Variants in CALCR observed in about 807,000 individuals in gnomAD.
CALCR encodes the protein calcitonin receptor.
Under a neutral mutation model 59.5 loss-of-function variants are expected in CALCR, and 47 were observed. That is an observed-to-expected ratio of 0.79 (90% CI 0.63 to 1.01). The LOEUF (loss-of-function observed/expected upper bound fraction) is 1.01. Among genes scored for constraint, CALCR ranks in the 50% least tolerant of loss-of-function variants. The pLI, the probability that CALCR is intolerant of heterozygous loss-of-function variation, is 0.00. For missense variants in CALCR, 566 were observed against 597.1 expected (o/e 0.95, Z 0.54); for synonymous variants, 213 against 211.3 (o/e 1.01, Z -0.07).
chr7:93,525,603 G>T (rs545925130), intron 2 of CALCR, among the ~76,000 whole-genome samples: 1 of 152,290 alleles, frequency 6.6e-6, no homozygotes, highest in African/African-American at 2.4e-5. Flanking sequence ...CAGTACTGCA[G>T]TTCATATATT....
At chr7:93,522,846 A>G (rs965006587) in intron 2 of CALCR, among the ~76,000 whole-genome samples, 1 of 152,182 alleles carries the variant, frequency 6.6e-6, no homozygotes. Context: ...TATTTTTTAA[A>G]GTCATGTTCT....
chr7:93,573,585 T>A (rs1464234558), intron 2 of CALCR, among the ~76,000 whole-genome samples: 5 of 152,212 alleles, frequency 3.3e-5, no homozygotes, highest in Non-Finnish European at 7.3e-5. Context: ...GTATGATAGT[T>A]TACTAATCTC....
intron 2 of CALCR, among the ~76,000 whole-genome samples, chr7:93,547,677 A>G (rs902537173): frequency 6.6e-6 from 1 of 152,220 alleles, no homozygotes; most frequent in Non-Finnish European, 1.5e-5. Context: ...AATCACAGCA[A>G]TAGATAATCC....
chr7:93,457,421 T>C (rs937644078), intron 8 of CALCR, among the ~76,000 whole-genome samples: 3 of 152,100 alleles, frequency 2.0e-5, no homozygotes, highest in Non-Finnish European at 4.4e-5. Flanking sequence ...TTCAGGAAGA[T>C]AGGTTGAACA....
rs983639334 is a variant in CALCR at position 93,425,822 on chromosome 7, C to T, written c.*534G>A. The stretch of plus-strand genomic sequence containing the variant: ...TTTACTAATCTCTCTATTAGAAAGC[C>T]GCTTTGTCTTGCAGAGGTCACGTAG... On this transcript the variant is annotated 3_prime_UTR_variant, in exon 14 of 14. Coordinates refer to ENST00000426151, the MANE Select transcript of CALCR (RefSeq NM_001742.4). The T allele has an allele frequency of 2.6e-5, 4 of 152,126 alleles. No individual in the cohort carries two copies. Among genetic ancestry groups the T allele is most frequent in the African/African-American group, 7.2e-5 (3 of 41,406 alleles). 9.4% of individuals were successfully genotyped at this position (152,126 alleles called of 1,614,324 possible). A position where few individuals can be genotyped will look rare whatever the true frequency, so the allele number is the denominator to read the frequency against.
At chr7:93,492,755 A>C (rs1801111680) in intron 2 of CALCR, among the ~76,000 whole-genome samples, 1 of 151,362 alleles carries the variant, frequency 6.6e-6, no homozygotes, top group Non-Finnish European at 1.5e-5. Context: ...AATTGCAAAA[A>C]TATAGGGCCT....
intron 2 of CALCR, among the ~76,000 whole-genome samples, chr7:93,541,940 G>GT (rs889680517): frequency 2.0e-5 from 3 of 151,890 alleles, no homozygotes; most frequent in African/African-American, 7.3e-5. Context: ...TTAGTAGCTG[G>GT]TTTTTTTTGG....
chr7:93,455,281 G>C (rs937239919), intron 8 of CALCR, among the ~76,000 whole-genome samples: 41 of 151,956 alleles, frequency 2.7e-4, no homozygotes, highest in African/African-American at 9.9e-4. Context: ...CATGCTGATA[G>C]ATACGCTTTT....
At chr7:93,506,313 C>T (rs1260548653) in intron 2 of CALCR, among the ~76,000 whole-genome samples, 1 of 152,100 alleles carries the variant, frequency 6.6e-6, no homozygotes, top group Non-Finnish European at 1.5e-5. Flanking sequence ...TGGGGAGGTT[C>T]ATAAGTTTAG....
chr7:93,446,862 C>T (rs1000120376), intron 8 of CALCR, among the ~76,000 whole-genome samples: 21 of 152,096 alleles, frequency 1.4e-4, no homozygotes, highest in Admixed American at 3.3e-4. Context: ...CAAAAATCTG[C>T]ACTCAAATAA....
intron 2 of CALCR, among the ~76,000 whole-genome samples, chr7:93,514,623 A>T (rs1801613315): frequency 6.6e-6 from 1 of 152,036 alleles, no homozygotes; most frequent in African/African-American, 2.4e-5. Context: ...TATATTCAGC[A>T]TCATGTCTGT....
chr7:93,480,029 T>C (rs957475699), intron 3 of CALCR, among the ~76,000 whole-genome samples: 5 of 151,930 alleles, frequency 3.3e-5, no homozygotes, highest in Non-Finnish European at 7.4e-5. Flanking sequence ...AAATATGTTT[T>C]CTGCTCCTCA....
intron 2 of CALCR, among the ~76,000 whole-genome samples, chr7:93,500,758 C>A (rs1316717380): frequency 2.6e-5 from 4 of 151,854 alleles, no homozygotes; most frequent in African/African-American, 9.7e-5. Context: ...TCATGCACCC[C>A]CTTAATACAC....
chr7:93,525,779 AT>A (rs1255299339), intron 2 of CALCR, among the ~76,000 whole-genome samples: 1 of 152,066 alleles, frequency 6.6e-6, no homozygotes, highest in Non-Finnish European at 1.5e-5. Flanking sequence ...GGCTTCAAAT[AT>A]TTTTCTTCAG....
chr7:93,474,475 C>T (rs1022109040), intron 5 of CALCR, among the ~76,000 whole-genome samples: 1 of 151,478 alleles, frequency 6.6e-6, no homozygotes, highest in Non-Finnish European at 1.5e-5. Flanking sequence ...ATTCCAGTGA[C>T]CTAAAGAATT....
chr7:93,486,963 T>C lies in CALCR; in HGVS notation c.19A>G (p.Ser7Gly). 1 of 1,601,464 alleles carries C rather than the reference T, an allele frequency of 6.2e-7. No individual in the cohort carries two copies. The highest frequency in any genetic ancestry group is 8.5e-7 in the Non-Finnish European group (1 of 1,171,192). Reference protein sequence around the residue: MRFTFTSRCLALFLLLN... With the variant: MRFTFTGRCLALFLLLN... Reference sequence around the variant, plus strand: ...AGAAGAAACAGTGCCAAGCACCGGCTTGTAAATGTGAACCTCATTTTTGAT... The same window carrying C: ...AGAAGAAACAGTGCCAAGCACCGGCCTGTAAATGTGAACCTCATTTTTGAT... The change falls in exon 3 of 14, where the codon AGC (serine) becomes GGC (glycine). Residue 7 changes from serine to glycine, a missense_variant. By Grantham distance (56) the Ser-to-Gly change is moderately conservative. Coordinates refer to ENST00000426151, the MANE Select transcript of CALCR (RefSeq NM_001742.4).
rs941485460 is a variant in CALCR, at chr7:93,424,808, G to A, written c.*1548C>T. ...GTGATTGGAAAAATACCTTCTTTTC[G>A]ATCCCCCCCTTACATTCAGTAAAGG... On this transcript the variant is annotated 3_prime_UTR_variant, in exon 14 of 14. Coordinates refer to ENST00000426151, the MANE Select transcript of CALCR (RefSeq NM_001742.4). The A allele has an allele frequency of 8.5e-5, 13 of 152,384 alleles. No individual in the cohort carries two copies. The highest frequency in any genetic ancestry group is 2.9e-4 in the African/African-American group (12 of 41,360). The allele number at this position is 152,384 out of a possible 1,614,324, so 9.4% of individuals were successfully genotyped here.
intron 2 of CALCR, among the ~76,000 whole-genome samples, chr7:93,532,644 C>T (rs185581662): frequency 6.7e-4 from 102 of 151,662 alleles, no homozygotes; most frequent in South Asian, 2.5e-3. Context: ...GGAATGGTTC[C>T]CTAAATTAGA....
At chr7:93,563,905 T>C (rs150851114) in intron 2 of CALCR, among the ~76,000 whole-genome samples, 2,118 of 152,256 alleles carry the variant, frequency 0.014, 28 homozygotes, top group Non-Finnish European at 0.021. Flanking sequence ...GAGTGTGAAA[T>C]AGTACCTACC....
Sources: allele counts gnomAD v4.1 joint callset (sites outside exome capture counted in the v4.1 genomes callset), GRCh38; gene constraint gnomAD v4.1.1; transcripts MANE v1.5; gene names NCBI Gene and HGNC (gene_info 2026-07-23, HGNC 2026-07-21).